SRFBP1: variants seen among roughly 807,000 people sequenced by gnomAD.
The protein encoded by SRFBP1 is serum response factor binding protein 1, also known as serum response factor-binding protein 1.
In SRFBP1, 47 loss-of-function variants were observed where a neutral mutation model predicts 45.5. The ratio of observed to expected loss-of-function variants is 1.03; its 90% CI spans 0.82 to 1.32. The LOEUF (loss-of-function observed/expected upper bound fraction) is 1.32, where lower values mean the gene tolerates loss of function less well. SRFBP1 is among the 40% of genes most tolerant of loss of function. The pLI is 0.00. For synonymous variants in SRFBP1, 203 were observed against 166.3 expected (o/e 1.22, Z -1.70); for missense variants, 621 against 484.6 (o/e 1.28, Z -2.64).
chr5:122,062,264 G>T (rs1391625665), intron 2 of SRFBP1, among the ~76,000 whole-genome samples: 4 of 151,756 alleles, frequency 2.6e-5, no homozygotes, highest in African/African-American at 9.7e-5. Context: ...AATATTATTT[G>T]CTCTCCAAAT....
chr5:121,988,324 G>A (rs1370009833), intron 3 of SRFBP1, among the ~76,000 whole-genome samples: 2 of 152,126 alleles, frequency 1.3e-5, no homozygotes, highest in Non-Finnish European at 2.9e-5. Context: ...TGGGTCAGGA[G>A]TCCCCAAGAC....
chr5:122,052,773 A>G (rs1754012758), intron 2 of SRFBP1, among the ~76,000 whole-genome samples: 1 of 152,204 alleles, frequency 6.6e-6, no homozygotes, highest in Non-Finnish European at 1.5e-5. Flanking sequence ...CGACTCAGTT[A>G]AGAACCTTGC....
At chr5:122,002,715 A>C (rs949998431) in intron 4 of SRFBP1, among the ~76,000 whole-genome samples, 4 of 152,148 alleles carry the variant, frequency 2.6e-5, no homozygotes, top group Admixed American at 2.0e-4. Context: ...GAATATTGAG[A>C]ATTATGTGAG....
chr5:122,013,441 T>G (rs1753134986), intron 4 of SRFBP1, among the ~76,000 whole-genome samples: 1 of 152,032 alleles, frequency 6.6e-6, no homozygotes, highest in East Asian at 1.9e-4. Flanking sequence ...AAAATTCAAC[T>G]CAGAAGTATG....
intron 2 of SRFBP1, 94 bp from the exon 3 acceptor site, chr5:121,975,221 G>A (rs917692094): frequency 7.0e-6 from 9 of 1,279,462 alleles, no homozygotes; most frequent in Admixed American, 5.3e-5. Flanking sequence ...GATTTATTAC[G>A]CTTTTCTAAA....
chr5:121,989,918 A>G (rs540685387), intron 3 of SRFBP1, among the ~76,000 whole-genome samples: 3 of 152,226 alleles, frequency 2.0e-5, no homozygotes, highest in South Asian at 4.2e-4. Context: ...TTGTTTCTCT[A>G]AAGAAAAAGC....
At chr5:122,046,246 T>G (rs921739236) in intron 2 of SRFBP1, among the ~76,000 whole-genome samples, 4 of 152,032 alleles carry the variant, frequency 2.6e-5, no homozygotes, top group African/African-American at 9.7e-5. Flanking sequence ...CCTTCCTGTG[T>G]CCATGCGTTC....
Position 121,961,983 on chromosome 5 carries a change from A to C in SRFBP1, c.-50A>C. 6.2e-7 allele frequency: 1 copy of C among 1,612,222 alleles called. No individual in the cohort carries two copies. Among genetic ancestry groups the C allele is most frequent in the Non-Finnish European group, 8.5e-7 (1 of 1,178,816 alleles). Reference sequence around the variant, plus strand: ...GGCGTGGCGACGCAGCCGCGGTCTGAGAGACCGGTTCACGTGCAGGCAGCG... The same window carrying C: ...GGCGTGGCGACGCAGCCGCGGTCTGCGAGACCGGTTCACGTGCAGGCAGCG... On this transcript the variant is annotated 5_prime_UTR_variant, in exon 1 of 8. Transcript: ENST00000339397.
intron 4 of SRFBP1, among the ~76,000 whole-genome samples, chr5:122,007,096 G>A (rs908909601): frequency 2.6e-5 from 4 of 152,106 alleles, no homozygotes; most frequent in African/African-American, 9.7e-5. Flanking sequence ...ATTTTGGGCA[G>A]AGTGTCTGGC....
chr5:122,020,768 T>A lies in SRFBP1; in HGVS notation c.1033T>A (p.Phe345Ile), dbSNP rs1433464482. Residue 345 changes from phenylalanine to isoleucine, a missense_variant, in exon 6 of 8, where the codon TTC (phenylalanine) becomes ATC (isoleucine). By Grantham distance (21) the Phe-to-Ile change is conservative. Coordinates refer to ENST00000339397, the MANE Select transcript of SRFBP1 (RefSeq NM_152546.3). ...TETRKLESVF[F>I]HSLSGSKSSR... is the part of the protein sequence containing the mutation. ...AACCAGAAAGTTAGAATCAGTGTTT[T>A]TCCACTCTTTATCTGGATCTAAAAG... is the stretch of plus-strand genomic sequence containing the variant. The A allele has an allele frequency of 6.3e-7, 1 of 1,593,554 alleles. No homozygotes were observed.
chr5:121,991,092 C>T (rs560966484), intron 3 of SRFBP1, among the ~76,000 whole-genome samples: 1 of 152,160 alleles, frequency 6.6e-6, no homozygotes, highest in Admixed American at 6.5e-5. Flanking sequence ...GGAAGTTGTC[C>T]GTCATCCCAG....
intron 2 of SRFBP1, among the ~76,000 whole-genome samples, chr5:122,038,329 G>A (rs1157478643): frequency 6.6e-6 from 1 of 152,116 alleles, no homozygotes; most frequent in Admixed American, 6.5e-5. Flanking sequence ...AAAATGACTA[G>A]CCAGGGCTAA....
At chr5:121,992,104 G>C (rs1463895939) in intron 3 of SRFBP1, among the ~76,000 whole-genome samples, 2 of 152,040 alleles carry the variant, frequency 1.3e-5, no homozygotes, top group Non-Finnish European at 2.9e-5. Context: ...AAATTTAGTG[G>C]CATAAAACAA....
In SRFBP1 at chr5:122,027,070, GAA is replaced by G. The variant is rs1349561673; in HGVS notation, c.1235_1236del (p.Glu412AlafsTer4). 20 of 1,611,674 alleles carry G rather than the reference GAA, an allele frequency of 1.2e-5. No homozygotes were observed. Among genetic ancestry groups the G allele is most frequent in the Non-Finnish European group, 1.7e-5 (20 of 1,179,204 alleles). On this transcript the variant is annotated frameshift_variant, in exon 8 of 8. Coordinates refer to ENST00000339397, the MANE Select transcript of SRFBP1 (RefSeq NM_152546.3). LOFTEE classifies it high-confidence loss of function. ...PSWEASRRRK[E>X]QQSNIAVFQG... ...ATGGGAAGCAAGCAGAAGGCGAAAA[GAA>G]CAGCAATCTAATATTGCTGTGTTTC... is the stretch of plus-strand genomic sequence containing the variant.
intron 2 of SRFBP1, among the ~76,000 whole-genome samples, chr5:122,034,678 C>A (rs184923719): frequency 1.8e-4 from 28 of 151,500 alleles, no homozygotes; most frequent in Admixed American, 1.5e-3. Context: ...TAATTTTGAT[C>A]TTAGATTTGC....
Position 122,035,002 on chromosome 5 carries a change from C to T in SRFBP1, n.311+12595C>T, listed in dbSNP as rs137924106. Among the ~76,000 whole-genome samples, 26 of 152,096 alleles carry T rather than the reference C, an allele frequency of 1.7e-4. 1 individual carries two copies. In the East Asian group the frequency reaches 4.8e-3, roughly 28 times the overall value. On this transcript the variant is annotated intron_variant and non_coding_transcript_variant, in intron 2 of 2. Coordinates refer to the SRFBP1 transcript ENST00000504881. The stretch of plus-strand genomic sequence containing the variant: ...TAGGAGATGTATCTGTTTGTCTGGG[C>T]AGAGGATAGCTTTCTGTCCCTTTCC...
At chr5:122,066,935 A>G (rs749260159) in intron 2 of SRFBP1, among the ~76,000 whole-genome samples, 3 of 152,138 alleles carry the variant, frequency 2.0e-5, no homozygotes, top group African/African-American at 4.8e-5. Flanking sequence ...GAAAGTGACT[A>G]TGTCAACAGC....
chr5:121,966,382 T>C (rs1752065651), intron 1 of SRFBP1, among the ~76,000 whole-genome samples: 1 of 152,228 alleles, frequency 6.6e-6, no homozygotes, highest in African/African-American at 2.4e-5. Context: ...AATTTTTGAT[T>C]GCTTTTATAG....
intron 2 of SRFBP1, among the ~76,000 whole-genome samples, chr5:122,052,273 T>C (rs1446084622): frequency 6.6e-6 from 1 of 152,164 alleles, no homozygotes; most frequent in Non-Finnish European, 1.5e-5. Flanking sequence ...CTGCATTTCC[T>C]GGATTTGAAT....
Sources: allele counts gnomAD v4.1 joint callset (sites outside exome capture counted in the v4.1 genomes callset), GRCh38; gene constraint gnomAD v4.1.1; transcripts MANE v1.5; gene names NCBI Gene and HGNC (gene_info 2026-07-23, HGNC 2026-07-21).